Variants in TNS3 observed in about 807,000 individuals in gnomAD.
TNS3 encodes the protein tensin-3.
A neutral mutation model predicts 140.9 loss-of-function variants in TNS3; 45 were observed. The ratio of observed to expected loss-of-function variants is 0.32; its 90% CI spans 0.25 to 0.41. TNS3 has a LOEUF of 0.41. Among genes scored for constraint, TNS3 ranks in the 10% least tolerant of loss-of-function variants. The probability of loss-of-function intolerance (pLI) is 1.00; values close to 1 mark genes in which losing one functional copy is unlikely to be tolerated. For missense variants in TNS3, 1,716 were observed against 1,906.7 expected, an observed-to-expected ratio of 0.90 and a Z score of 1.86; for synonymous variants, 815 against 788.4, an observed-to-expected ratio of 1.03 and a Z score of -0.56.
intron 1 of TNS3, among the ~76,000 whole-genome samples, chr7:47,569,361 G>A (rs997714899): frequency 6.6e-6 from 1 of 151,988 alleles, no homozygotes; most frequent in Non-Finnish European, 1.5e-5. Flanking sequence ...TGGCCAACAT[G>A]ATGAAACCCC....
intron 2 of TNS3, among the ~76,000 whole-genome samples, chr7:47,515,462 C>T (rs79399757): frequency 0.029 from 4,384 of 152,208 alleles, 128 homozygotes; most frequent in African/African-American, 0.072. Context: ...ACATCATCAT[C>T]ACCATCATTG....
At chr7:47,436,353 T>C (rs1246426074) in intron 7 of TNS3, among the ~76,000 whole-genome samples, 1 of 152,214 alleles carries the variant, frequency 6.6e-6, no homozygotes, top group Non-Finnish European at 1.5e-5. Context: ...ATATAGAATA[T>C]ACATACATAT....
chr7:47,337,877 C>T (rs1164398278), intron 20 of TNS3, among the ~76,000 whole-genome samples: 1 of 152,178 alleles, frequency 6.6e-6, no homozygotes, highest in Non-Finnish European at 1.5e-5. Context: ...TACTCTTGCC[C>T]CTCCCAACCA....
intron 1 of TNS3, among the ~76,000 whole-genome samples, chr7:47,531,758 C>T (rs931674667): frequency 6.6e-6 from 1 of 152,246 alleles, no homozygotes; most frequent in African/African-American, 2.4e-5. Context: ...CTCCATGGAG[C>T]CGGTGGGAGC....
In TNS3 at chr7:47,288,656, A is replaced by AG. The variant is rs1785542467; in HGVS notation, c.3928+3298dup. On this transcript the variant is annotated intron_variant, in intron 27 of 30. Coordinates refer to ENST00000311160, the MANE Select transcript of TNS3 (RefSeq NM_022748.12). ...AAAGCTAAGAACCATGATGGGCTCC[A>AG]GGGACCCCCTAAAACAGATTTAGGG... is the stretch of plus-strand genomic sequence containing the variant. 3.3e-5 allele frequency among the ~76,000 whole-genome samples: 5 copies of AG among 152,168 alleles called. 1 individual carries two copies. In the South Asian group the frequency reaches 1.0e-3, roughly 32 times the overall value.
chr7:47,283,793 A>C lies in TNS3; in HGVS notation c.4001T>G (p.Leu1334Arg). The C allele has an allele frequency of 6.2e-7, 1 of 1,612,628 alleles. No homozygotes were observed. Among genetic ancestry groups the C allele is most frequent in the Non-Finnish European group, 8.5e-7 (1 of 1,179,300 alleles). ...AGGCTCCTGGACCAGGGTGATGCTC[A>C]GGGCCTTCTGGATCGCCTGGTGGCC... ...LTGHQAIQKALSITLVQEPPP... is the reference protein window; with the variant it reads ...LTGHQAIQKARSITLVQEPPP... Residue 1334 changes from leucine (L) to arginine (R), a missense_variant, in exon 28 of 31, where the codon CTG becomes CGG. Physicochemically the swap from Leu to Arg is moderately radical, Grantham distance 102 (BLOSUM62 -2). This residue lies in a region of TNS3 where 216 missense variants were observed against 295.7 expected (regional missense o/e 0.73). Transcript: ENST00000311160.
intron 17 of TNS3, among the ~76,000 whole-genome samples, chr7:47,360,273 G>C (rs1392556458): frequency 6.6e-6 from 1 of 152,086 alleles, no homozygotes; most frequent in Non-Finnish European, 1.5e-5. Flanking sequence ...AAAGCATCGG[G>C]GTCTGAAGGT....
chr7:47,353,922 G>A (rs1234443352), intron 17 of TNS3, among the ~76,000 whole-genome samples: 1 of 151,194 alleles, frequency 6.6e-6, no homozygotes, highest in Admixed American at 6.6e-5. Context: ...GAAAGGGGAG[G>A]TATGGCCTTC....
At chr7:47,465,244 C>T (rs974459832) in intron 4 of TNS3, among the ~76,000 whole-genome samples, 1 of 152,192 alleles carries the variant, frequency 6.6e-6, no homozygotes. Context: ...CACATTGTAG[C>T]ACTGCTGAGG....
intron 16 of TNS3, among the ~76,000 whole-genome samples, chr7:47,370,946 G>C (rs555575913): frequency 9.8e-5 from 15 of 152,356 alleles, no homozygotes; most frequent in African/African-American, 3.6e-4. Context: ...AAAACACTGG[G>C]ACAACGTGTT....
intron 1 of TNS3, among the ~76,000 whole-genome samples, chr7:47,562,671 C>T (rs180887667): frequency 6.6e-6 from 1 of 152,300 alleles, no homozygotes; most frequent in East Asian, 1.9e-4. Flanking sequence ...AGGCATGAGC[C>T]ACCGCACCAG....
At chr7:47,540,201 C>A (rs1799745087) in intron 1 of TNS3, among the ~76,000 whole-genome samples, 1 of 152,158 alleles carries the variant, frequency 6.6e-6, no homozygotes, top group Non-Finnish European at 1.5e-5. Context: ...AGGTTCTTCC[C>A]AGGAACAAAA....
At position 47,558,608 on chromosome 7, in the gene TNS3, G is replaced by A. The variant is rs955529008; in HGVS notation, c.-265+23443C>T. Reference sequence around the variant, plus strand: ...CATCACCTACTTGCAAATTTCCACCGACTCCTGTTTCGTCGATGGAAAAAC... The same window carrying A: ...CATCACCTACTTGCAAATTTCCACCAACTCCTGTTTCGTCGATGGAAAAAC... On this transcript the variant is annotated intron_variant, in intron 1 of 30. Transcript: ENST00000311160. Among the ~76,000 whole-genome samples the A allele has an allele frequency of 2.0e-5, 3 of 152,186 alleles. No individual in the cohort carries two copies. In the East Asian group the frequency reaches 5.8e-4, roughly 29 times the overall value.
At position 47,344,736 on chromosome 7, in the gene TNS3, C is replaced by T. The variant is rs1196600050; in HGVS notation, c.2650+19G>A. ...CGCCTGAGTGCCGCGCGCCTGTGAC[C>T]CGCGGGTAGATTTCTTACCACGTCC... On this transcript the variant is annotated intron_variant, in intron 20 of 30. Transcript: ENST00000311160. The T allele has an allele frequency of 1.2e-6, 2 of 1,607,496 alleles. No individual in the cohort carries two copies. Among genetic ancestry groups the T allele is most frequent in the Non-Finnish European group, 1.7e-6 (2 of 1,176,914 alleles).
chr7:47,296,100 T>G (rs1786003694), intron 24 of TNS3, among the ~76,000 whole-genome samples: 1 of 152,126 alleles, frequency 6.6e-6, no homozygotes, highest in Non-Finnish European at 1.5e-5. Flanking sequence ...TAGCTTCCCT[T>G]TCCTTAGTCT....
intron 17 of TNS3, among the ~76,000 whole-genome samples, chr7:47,348,568 A>C (rs1460613717): frequency 1.3e-5 from 2 of 152,246 alleles, no homozygotes; most frequent in Non-Finnish European, 2.9e-5. Context: ...AACACAGAAA[A>C]AATGGCTATG....
At chr7:47,376,053 G>C (rs1791366006) in intron 16 of TNS3, among the ~76,000 whole-genome samples, 1 of 152,164 alleles carries the variant, frequency 6.6e-6, no homozygotes, top group Non-Finnish European at 1.5e-5. Flanking sequence ...TAGTTTCAAA[G>C]GAGAAACTAG....
chr7:47,319,809 C>T (rs1411242046), intron 20 of TNS3, among the ~76,000 whole-genome samples: 1 of 152,212 alleles, frequency 6.6e-6, no homozygotes, highest in Non-Finnish European at 1.5e-5. Context: ...CCACAGGCAG[C>T]TAATGGGGGT....
In TNS3 at chr7:47,309,390, A is replaced by C. The variant is rs188977136; in HGVS notation, c.2651-4387T>G. 3.5e-4 allele frequency among the ~76,000 whole-genome samples: 54 copies of C among 152,230 alleles called. 1 individual carries two copies. Among genetic ancestry groups the C allele is most frequent in the African/African-American group, 1.2e-3 (51 of 41,500 alleles). ...CCAAGACTTAAGAGTATTTAAAATG[A>C]AAAAGAGCAAAAAAAAAATATGCTA... is the stretch of plus-strand genomic sequence containing the variant. On this transcript the variant is annotated intron_variant, in intron 20 of 30. Coordinates refer to ENST00000311160, the MANE Select transcript of TNS3 (RefSeq NM_022748.12).
Sources: gnomAD v4.1 joint callset for allele counts (sites outside exome capture counted in the v4.1 genomes callset) on GRCh38, gnomAD v4.1.1 for gene constraint, gnomAD v4.1.1 regional missense constraint, MANE v1.5 for transcripts, NCBI Gene and HGNC (gene_info 2026-07-23, HGNC 2026-07-21) for gene names.